Variants in DST observed in about 807,000 individuals in gnomAD.
DST encodes dystonin, also known as bullous pemphigoid antigen.
Under a neutral mutation model 875.2 loss-of-function variants are expected in DST, and 253 were observed. The ratio of observed to expected loss-of-function variants is 0.29; its 90% confidence interval spans 0.26 to 0.32. The LOEUF is 0.32. DST is among the 10% of genes least tolerant of loss of function. The pLI is 1.00. For missense variants in DST, 8,287 were observed against 9,111.6 expected, an observed-to-expected ratio of 0.91 and a Z score of 3.68; for synonymous variants, 3,124 against 3,197.1, an observed-to-expected ratio of 0.98 and a Z score of 0.77.
chr6:56,475,650 C>G (rs1202945522), intron 92 of DST, among the ~76,000 whole-genome samples: 1 of 152,156 alleles, frequency 6.6e-6, no homozygotes, highest in Non-Finnish European at 1.5e-5. Context: ...CAAGTGATGA[C>G]AGTCATCTTC....
intron 4 of DST, among the ~76,000 whole-genome samples, chr6:56,808,954 T>C (rs1447369389): frequency 6.6e-6 from 1 of 152,210 alleles, no homozygotes; most frequent in Non-Finnish European, 1.5e-5. Flanking sequence ...GACTGCCTAA[T>C]GTGAATCCCA....
chr6:56,632,775 T>C, intron 28 of DST, 79 bp downstream of exon 28: 3 of 1,155,156 alleles, frequency 2.6e-6, no homozygotes, highest in Admixed American at 1.8e-5. Flanking sequence ...TACCTAAGAT[T>C]GAGATTCCCA....
intron 90 of DST, among the ~76,000 whole-genome samples, chr6:56,481,819 ACCTT>A (rs929886525): frequency 4.6e-5 from 7 of 152,216 alleles, no homozygotes; most frequent in African/African-American, 1.7e-4. Flanking sequence ...CAGAGTAACT[ACCTT>A]CCCTGAAAAG....
At position 56,609,267 on chromosome 6, in the gene DST, G is replaced by A; in HGVS notation, c.5361C>T (p.Gly1787=). 2 of 1,613,548 alleles carry A rather than the reference G, an allele frequency of 1.2e-6. No individual in the cohort carries two copies. The highest frequency in any genetic ancestry group is 1.7e-5 in the Admixed American group (1 of 59,988). ...VLSVFQAVLR[G]LIDYDTGIRL... ...TAATTCCTGTGTCATAGTCAATGAG[G>A]CCTCTTAAAACTGCTTGAAAGACTG... Residue 1787 remains glycine (G), a synonymous_variant, in exon 40 of 104, where the codon GGC becomes GGT. Coordinates refer to ENST00000680361, the MANE Select transcript of DST (RefSeq NM_001374736.1).
intron 61 of DST, among the ~76,000 whole-genome samples, chr6:56,551,577 T>C (rs1046338956): frequency 6.6e-6 from 1 of 152,168 alleles, no homozygotes; most frequent in Non-Finnish European, 1.5e-5. Context: ...TGATCACTGT[T>C]GAGTGGCAGT....
intron 4 of DST, among the ~76,000 whole-genome samples, chr6:56,769,862 A>G (rs998940705): frequency 2.0e-5 from 3 of 152,218 alleles, no homozygotes; most frequent in African/African-American, 7.2e-5. Context: ...CCTGTCCTCA[A>G]AAAGCTTATT....
intron 2 of DST, among the ~76,000 whole-genome samples, chr6:56,950,929 G>GA (rs1304206427): frequency 2.6e-5 from 4 of 152,128 alleles, no homozygotes; most frequent in African/African-American, 7.2e-5. Context: ...GGAAGAAACT[G>GA]AAAAAATGTG....
chr6:56,815,558 A>G (rs2099765542), intron 4 of DST, among the ~76,000 whole-genome samples: 2 of 152,282 alleles, frequency 1.3e-5, no homozygotes, highest in South Asian at 4.1e-4. Context: ...AACTGGGTGA[A>G]AGGTCTGTGC....
chr6:56,870,915 G>C (rs895575778), intron 3 of DST, among the ~76,000 whole-genome samples: 3 of 151,834 alleles, frequency 2.0e-5, no homozygotes, highest in Admixed American at 6.6e-5. Context: ...AAAAGTAGGA[G>C]TTAGGAATAA....
At chr6:56,533,845 G>A (rs1341159383) in intron 63 of DST, among the ~76,000 whole-genome samples, 2 of 151,954 alleles carry the variant, frequency 1.3e-5, no homozygotes, top group Non-Finnish European at 2.9e-5. Context: ...AAACTTCTAG[G>A]GAGATAGTAT....
intron 3 of DST, among the ~76,000 whole-genome samples, chr6:56,899,513 C>T (rs917571944): frequency 1.3e-5 from 2 of 152,176 alleles, no homozygotes; most frequent in Non-Finnish European, 2.9e-5. Flanking sequence ...AAGGGCAGTT[C>T]TGTTTCAATA....
chr6:56,784,329 T>C (rs1192523657), intron 4 of DST, among the ~76,000 whole-genome samples: 1 of 152,224 alleles, frequency 6.6e-6, no homozygotes, highest in Non-Finnish European at 1.5e-5. Context: ...TTTTCCAACT[T>C]GGTTCCATTC....
chr6:56,489,217 T>C (rs943080270), intron 86 of DST, among the ~76,000 whole-genome samples: 52 of 152,188 alleles, frequency 3.4e-4, no homozygotes, highest in African/African-American at 1.1e-3. Context: ...ACAAATCCTT[T>C]ATATGTTTTA....
chr6:56,708,606 A>G (rs532671860), intron 5 of DST, among the ~76,000 whole-genome samples: 1 of 152,360 alleles, frequency 6.6e-6, no homozygotes, highest in East Asian at 1.9e-4. Context: ...CACACACACC[A>G]TGAGTTACTA....
chr6:56,929,558 ATTAC>A (rs1436307960), intron 2 of DST, among the ~76,000 whole-genome samples: 1 of 152,170 alleles, frequency 6.6e-6, no homozygotes, highest in African/African-American at 2.4e-5. Flanking sequence ...AAGAATAGTC[ATTAC>A]TTAGATTTCC....
intron 36 of DST, chr6:56,615,920 T>G: frequency 1.2e-6 from 2 of 1,614,246 alleles, no homozygotes; most frequent in South Asian, 1.1e-5. Flanking sequence ...CTGTCGCAGC[T>G]GCTGGGCAAA....
chr6:56,514,619 A>G (rs2096554399), intron 72 of DST, among the ~76,000 whole-genome samples: 1 of 132,988 alleles, frequency 7.5e-6, no homozygotes, highest in African/African-American at 3.1e-5. Context: ...ACACCCCCTC[A>G]TGCGCATACA....
At position 56,608,955 on chromosome 6, in the gene DST, C is replaced by T; in HGVS notation, c.5673G>A (p.Leu1891=). 2 of 1,613,790 alleles carry T rather than the reference C, an allele frequency of 1.2e-6. No homozygotes were observed. Among genetic ancestry groups the T allele is most frequent in the Non-Finnish European group, 1.7e-6 (2 of 1,179,798 alleles). The part of the protein sequence containing the change: ...SLVIPATGEQ[L]TLQKAFQQNL... ...TCTGTTGGAAAGCCTTCTGTAGGGTCAACTGTTCTCCTGTGGCTGGAATAA... is the reference window on the plus strand; with the variant it reads ...TCTGTTGGAAAGCCTTCTGTAGGGTTAACTGTTCTCCTGTGGCTGGAATAA... Residue 1891 remains leucine (L), a synonymous_variant, in exon 40 of 104, where the codon TTG becomes TTA. Coordinates refer to ENST00000680361, the MANE Select transcript of DST (RefSeq NM_001374736.1).
At chr6:56,735,324 G>A (rs1164250662) in intron 4 of DST, 35 bp from the exon 5 acceptor site, 1 of 1,260,306 alleles carries the variant, frequency 7.9e-7, no homozygotes, top group Non-Finnish European at 1.1e-6. Context: ...GATAAGGTTG[G>A]TAAAATCTAT....
Sources: gnomAD v4.1 joint callset for allele counts (sites outside exome capture counted in the v4.1 genomes callset) on GRCh38, gnomAD v4.1.1 for gene constraint, MANE v1.5 for transcripts, NCBI Gene and HGNC (gene_info 2026-07-23, HGNC 2026-07-21) for gene names.